The following CELF2 variants were observed in gnomAD, a reference collection of about 807,000 sequenced individuals.
The protein encoded by CELF2 is CUG triplet repeat RNA-binding protein 2.
A neutral mutation model predicts 62.6 loss-of-function variants in CELF2; 8 were observed. That is an observed-to-expected ratio of 0.13 (90% CI 0.07 to 0.23). The LOEUF is 0.23. Among genes scored for constraint, CELF2 ranks in the 10% least tolerant of loss-of-function variants. The pLI is 1.00. For missense variants in CELF2, 333 were observed against 671.0 expected, an observed-to-expected ratio of 0.50 and a Z score of 5.56; for synonymous variants, 258 against 250.0, an observed-to-expected ratio of 1.03 and a Z score of -0.30.
At chr10:11,052,271 T>G (rs1182319635) in intron 1 of CELF2, among the ~76,000 whole-genome samples, 4 of 152,236 alleles carry the variant, frequency 2.6e-5, no homozygotes, top group African/African-American at 9.6e-5. Context: ...AAATTGTGTC[T>G]GTAGAACATT....
the CELF2 span, among the ~76,000 whole-genome samples, chr10:10,736,034 T>C: frequency 6.6e-6 from 1 of 152,204 alleles, no homozygotes; most frequent in Non-Finnish European, 1.5e-5. Flanking sequence ...GATTTAATTC[T>C]TCCCATCTTT....
chr10:10,770,083 A>G, the CELF2 span, among the ~76,000 whole-genome samples: 1 of 152,130 alleles, frequency 6.6e-6, no homozygotes, highest in Non-Finnish European at 1.5e-5. Context: ...GATTGATGTG[A>G]ACAGGGGTTT....
intron 9 of CELF2, among the ~76,000 whole-genome samples, chr10:11,303,713 T>C (rs1025866285): frequency 6.6e-6 from 1 of 152,094 alleles, no homozygotes; most frequent in Non-Finnish European, 1.5e-5. Context: ...CAAATCTGAG[T>C]GAGTGCAAGT....
intron 1 of CELF2, among the ~76,000 whole-genome samples, chr10:10,822,488 A>T (rs1310548156): frequency 6.6e-6 from 1 of 152,238 alleles, no homozygotes; most frequent in Non-Finnish European, 1.5e-5. Context: ...TTGAGGCATG[A>T]TATTATTTTT....
At chr10:10,576,041 TC>T in the CELF2 span, among the ~76,000 whole-genome samples, 1 of 152,198 alleles carries the variant, frequency 6.6e-6, no homozygotes, top group Non-Finnish European at 1.5e-5. Context: ...GCATTCAGAA[TC>T]TTTTGCAGAA....
At chr10:10,858,480 AC>A (rs1410095646) in intron 1 of CELF2, among the ~76,000 whole-genome samples, 1 of 152,166 alleles carries the variant, frequency 6.6e-6, no homozygotes, top group African/African-American at 2.4e-5. Context: ...TTTGTAACCT[AC>A]CCATCAGAGA....
intron 1 of CELF2, among the ~76,000 whole-genome samples, chr10:11,035,637 T>A (rs2060824703): frequency 6.6e-6 from 1 of 152,216 alleles, no homozygotes; most frequent in African/African-American, 2.4e-5. Context: ...TTTCACTCTG[T>A]AAGGCTAATT....
intron 1 of CELF2, among the ~76,000 whole-genome samples, chr10:11,063,982 C>T (rs1201677518): frequency 6.6e-6 from 1 of 152,144 alleles, no homozygotes; most frequent in African/African-American, 2.4e-5. Context: ...GGTGGAGTTG[C>T]ATTCACTCAG....
intron 1 of CELF2, among the ~76,000 whole-genome samples, chr10:11,161,256 T>G (rs1319678298): frequency 6.6e-6 from 1 of 152,250 alleles, no homozygotes; most frequent in Non-Finnish European, 1.5e-5. Flanking sequence ...CTTGCGGTCT[T>G]ATTCCATATG....
At chr10:10,713,167 T>C in the CELF2 span, among the ~76,000 whole-genome samples, 1 of 152,240 alleles carries the variant, frequency 6.6e-6, no homozygotes, top group East Asian at 1.9e-4. Context: ...CAATGGTCTT[T>C]CCTCAAAAGG....
At chr10:11,125,753 C>A (rs963930061) in intron 1 of CELF2, among the ~76,000 whole-genome samples, 3 of 152,100 alleles carry the variant, frequency 2.0e-5, no homozygotes, top group African/African-American at 7.2e-5. Flanking sequence ...TCCCTACTGC[C>A]CCCATTAAAG....
At chr10:10,609,484 T>A in the CELF2 span, among the ~76,000 whole-genome samples, 1 of 152,182 alleles carries the variant, frequency 6.6e-6, no homozygotes, top group East Asian at 1.9e-4. Context: ...CCTTAGGAGC[T>A]GCACAGCAAA....
At chr10:10,585,901 C>T in the CELF2 span, among the ~76,000 whole-genome samples, 12 of 152,152 alleles carry the variant, frequency 7.9e-5, no homozygotes, top group African/African-American at 2.7e-4. Context: ...AGAATATTAA[C>T]ATCACCTTGA....
intron 1 of CELF2, among the ~76,000 whole-genome samples, chr10:11,026,751 A>T (rs1038982000): frequency 5.3e-5 from 8 of 152,130 alleles, no homozygotes; most frequent in Non-Finnish European, 1.5e-5. Flanking sequence ...CTAAGTTTCA[A>T]CAGAAGGGGC....
the CELF2 span, among the ~76,000 whole-genome samples, chr10:10,631,719 G>C: frequency 1.3e-5 from 2 of 151,866 alleles, no homozygotes; most frequent in South Asian, 4.2e-4. Flanking sequence ...CTCCTTGTCT[G>C]AGTTCTTAGC....
In CELF2 at chr10:11,270,856, AC is replaced by A; in HGVS notation, c.777+35del. ...GCTGGGCAATGCCGGCGTGGTCTTCACCCGCTGAAACTCTGCAAACTGACTT... is the reference window on the plus strand; with the variant it reads ...GCTGGGCAATGCCGGCGTGGTCTTCACCGCTGAAACTCTGCAAACTGACTT... On this transcript the variant is annotated intron_variant, in intron 7 of 12. Coordinates refer to ENST00000633077, the MANE Select transcript of CELF2 (RefSeq NM_001326342.2). This position sits in a 1 kb window ranked among gnomAD's most constrained non-coding sequence, Gnocchi z 5.8. The A allele has an allele frequency of 7.5e-7, 1 of 1,339,196 alleles. No individual in the cohort carries two copies. The highest frequency in any genetic ancestry group is 9.7e-7 in the Non-Finnish European group (1 of 1,033,010). 83.0% of individuals were successfully genotyped at this position (1,339,196 alleles called of 1,614,324 possible). A position where few individuals can be genotyped will look rare whatever the true frequency, so the allele number is the denominator to read the frequency against.
In CELF2 at chr10:11,116,913, A is replaced by G. The variant is rs143189428; in HGVS notation, c.75-48573A>G. On this transcript the variant is annotated intron_variant, in intron 1 of 12. Coordinates refer to ENST00000633077, the MANE Select transcript of CELF2 (RefSeq NM_001326342.2). ...AGATACTATTTTGAACGGCTTACAG[A>G]TACTATTATATTTAATCCACATGAC... Among the ~76,000 whole-genome samples, 528 of 152,320 alleles carry G rather than the reference A, an allele frequency of 3.5e-3. 3 individuals are homozygous for G. Among genetic ancestry groups the G allele is most frequent in the Admixed American group, 6.2e-3 (95 of 15,300 alleles).
At position 11,331,713 on chromosome 10, in the gene CELF2, T is replaced by TAAGA. The variant is rs2096025629; in HGVS notation, c.*2661_*2664dup. 6.6e-6 allele frequency: 1 copy of TAAGA among 152,652 alleles called. No homozygotes were observed. The allele number at this position is 152,652 out of a possible 1,614,324, so 9.5% of individuals were successfully genotyped here. A position where few individuals can be genotyped will look rare whatever the true frequency, so the allele number is the denominator to read the frequency against. ...TGTTATTTCTCTCTGATGTTTTTTG[T>TAAGA]AAGACATTGTATAAGTGCCCATGTC... On this transcript the variant is annotated 3_prime_UTR_variant, in exon 13 of 13. Coordinates refer to ENST00000633077, the MANE Select transcript of CELF2 (RefSeq NM_001326342.2).
chr10:11,329,029 CA>C lies in CELF2; in HGVS notation c.1547del (p.Asn516ThrfsTer18). Reference sequence around the variant, plus strand: ...GCTTGAAGGTGCAGCTGAAGCGTTCCAAAAACGACAGCAAACCTTACTGATC... The same window carrying C: ...GCTTGAAGGTGCAGCTGAAGCGTTCCAAAACGACAGCAAACCTTACTGATC... ...KRLKVQLKRS[K>X]NDSKPY On this transcript the variant is annotated frameshift_variant, in exon 13 of 13. Coordinates refer to ENST00000633077, the MANE Select transcript of CELF2 (RefSeq NM_001326342.2). LOFTEE classifies it high-confidence loss of function. This position sits in a 1 kb window ranked among gnomAD's most constrained non-coding sequence, Gnocchi z 5.5. The C allele has an allele frequency of 6.3e-7, 1 of 1,598,202 alleles. No individual in the cohort carries two copies. The highest frequency in any genetic ancestry group is 2.3e-5 in the East Asian group (1 of 43,856).
Sources: gnomAD v4.1 joint callset for allele counts (sites outside exome capture counted in the v4.1 genomes callset) on GRCh38, gnomAD v4.1.1 for gene constraint, Gnocchi (gnomAD v3.1) non-coding constraint, MANE v1.5 for transcripts, NCBI Gene and HGNC (gene_info 2026-07-23, HGNC 2026-07-21) for gene names.